POLM: variants seen among roughly 807,000 people sequenced by gnomAD.
The protein encoded by POLM is DNA-directed DNA/RNA polymerase mu.
Under a neutral mutation model 56.7 loss-of-function variants are expected in POLM, and 52 were observed. The observed-to-expected ratio is 0.92, with a 90% CI of 0.73 to 1.15. POLM has a LOEUF of 1.15. Among genes scored for constraint, POLM ranks in the 50% most tolerant of loss-of-function variants. POLM has a pLI of 0.00. For missense variants in POLM, 660 were observed against 663.6 expected, an observed-to-expected ratio of 0.99 and a Z score of 0.06; for synonymous variants, 273 against 274.3, an observed-to-expected ratio of 1.00 and a Z score of 0.05.
At chr7:44,076,843 T>C (rs2096185103) in intron 5 of POLM, 3 of 566,678 alleles carry the variant, frequency 5.3e-6, no homozygotes, top group African/African-American at 1.9e-5. Context: ...CACACCCCTC[T>C]CCTCTCCTCT....
chr7:44,073,999 C>T lies in POLM; in HGVS notation c.1098G>A (p.Gln366=). 6.2e-7 allele frequency: 1 copy of T among 1,614,066 alleles called. No individual in the cohort carries two copies. Among genetic ancestry groups the T allele is most frequent in the South Asian group, 1.1e-5 (1 of 91,078 alleles). The change falls in exon 9 of 11, where the codon CAG becomes CAA. Residue 366 remains glutamine (Q), a synonymous_variant. Transcript: ENST00000242248. The stretch of plus-strand genomic sequence containing the variant: ...GGGTAGGGGACTCACAGCAGCTGTG[C>T]TGGTGCTGGTGGTACAGGATGAGGC... ...DQGLILYHQH[Q]HSCCESPTRL...
chr7:44,080,050 C>A, intron 2 of POLM, 91 bp from the exon 3 acceptor site: 2 of 894,330 alleles, frequency 2.2e-6, no homozygotes, highest in Non-Finnish European at 3.6e-6. Context: ...CTGGGGTGTC[C>A]AACTCGGGCC....
intron 4 of POLM, among the ~76,000 whole-genome samples, chr7:44,079,284 A>G (rs1377365794): frequency 6.6e-6 from 1 of 152,182 alleles, no homozygotes; most frequent in African/African-American, 2.4e-5. Context: ...CTTTCATTCC[A>G]CTGTGGAGGG....
rs760320482 is a variant in POLM, at chr7:44,074,235, T to C, written c.969-2A>G. 4 of 1,571,582 alleles carry C rather than the reference T, an allele frequency of 2.5e-6. No homozygotes were observed. The African/African-American group carries it at 5.4e-5, about 21-fold the overall frequency. On this transcript the variant is annotated splice_acceptor_variant, in intron 7 of 10. Coordinates refer to ENST00000242248, the MANE Select transcript of POLM (RefSeq NM_013284.4). LOFTEE classifies it high-confidence loss of function. ...ACGTCATGGCCCTGCAACTTCCCCC[T>C]GAGGGCGTCAGTCTGACTCTGACTC...
Position 44,079,910 on chromosome 7 carries a change from T to C in POLM, c.422A>G (p.Tyr141Cys). 1 of 1,613,976 alleles carries C rather than the reference T, an allele frequency of 6.2e-7. No homozygotes were observed. The highest frequency in any genetic ancestry group is 8.5e-7 in the Non-Finnish European group (1 of 1,179,940). The change falls in exon 3 of 11, where the codon TAT (tyrosine) becomes TGT (cysteine). Residue 141 changes from tyrosine to cysteine, a missense_variant. Physicochemically the swap from Tyr to Cys is radical, Grantham distance 194. Coordinates refer to ENST00000242248, the MANE Select transcript of POLM (RefSeq NM_013284.4). ...GPLSPAWMPA[Y>C]ACQRPTPLTH... The stretch of plus-strand genomic sequence containing the variant: ...GAGGGGCGTAGGGCGCTGGCAGGCA[T>C]AGGCAGGCATCCATGCTGGGCTCAG...
chr7:44,079,430 G>T, intron 4 of POLM, 141 bp downstream of exon 4: 1 of 724,822 alleles, frequency 1.4e-6, no homozygotes, highest in Non-Finnish European at 2.3e-6. Context: ...AGCGCAGAGG[G>T]TGGCTTGTTG....
rs759650201 is a variant in POLM at position 44,073,809 on chromosome 7, C to A, written c.1288G>T (p.Ala430Ser). 6.2e-7 allele frequency: 1 copy of A among 1,614,198 alleles called. No individual in the cohort carries two copies. The highest frequency in any genetic ancestry group is 2.2e-5 in the East Asian group (1 of 44,878). The change falls in exon 9 of 11, where the codon GCC becomes TCC. Residue 430 changes from alanine (A) to serine (S), a missense_variant. Physicochemically the swap from Ala to Ser is moderately conservative, Grantham distance 99. Transcript: ENST00000242248. ...TTGGAGCCAGTCCAACCGAGCAGGG[C>A]GAAAGGGAACTGGCTGACGGGTGCA... The part of the protein sequence containing the change: ...VVAPVSQFPF[A>S]LLGWTGSKLF...
rs1203898951 is a variant in POLM at position 44,072,978 on chromosome 7, C to CCA, written c.*311_*312dup. 2 of 812,494 alleles carry CCA rather than the reference C, an allele frequency of 2.5e-6. No individual in the cohort carries two copies. The highest frequency in any genetic ancestry group is 3.5e-5 in the African/African-American group (2 of 57,846). The allele number at this position is 812,494 out of a possible 1,614,324, so 50.3% of individuals were successfully genotyped here. ...TTGCCATTCATGACTGCAGGCCCCA[C>CCA]CACAGCTCCACGATGTGGGCCCCAC... On this transcript the variant is annotated 3_prime_UTR_variant, in exon 11 of 11. Transcript: ENST00000242248.
intron 5 of POLM, 23 bp from the exon 6 acceptor site, chr7:44,076,652 G>T (rs3218662): frequency 6.2e-7 from 1 of 1,612,620 alleles, no homozygotes. Context: ...AGCGTAGCCC[G>T]GTTGGGCAGA....
chr7:44,073,126 G>A lies in POLM; in HGVS notation c.*165C>T. On this transcript the variant is annotated 3_prime_UTR_variant, in exon 11 of 11. Transcript: ENST00000242248. ...ATCACACCCTGCAGCACACCAGCAG[G>A]GGCTCAACTGATCCTGCAGGCACAA... is the stretch of plus-strand genomic sequence containing the variant. The A allele has an allele frequency of 6.7e-7, 1 of 1,497,482 alleles. No homozygotes were observed. The highest frequency in any genetic ancestry group is 8.9e-7 in the Non-Finnish European group (1 of 1,123,354). The allele number at this position is 1,497,482 out of a possible 1,614,324, so 92.8% of individuals were successfully genotyped here.
Position 44,080,817 on chromosome 7 carries a change from G to A in POLM, c.288C>T (p.Pro96=). The change falls in exon 2 of 11, where the codon CCC becomes CCT. Residue 96 remains proline, a synonymous_variant. Transcript: ENST00000242248. ...ACCAGCTTATGTCCAGCAGAGCTGG[G>A]GGGGTGCAACCCGGGGGAGCAGCTG... ...RMAAAPPGCT[P]PALLDISWLT... 1 of 1,613,822 alleles carries A rather than the reference G, an allele frequency of 6.2e-7. No individual in the cohort carries two copies. The highest frequency in any genetic ancestry group is 8.5e-7 in the Non-Finnish European group (1 of 1,179,826).
At chr7:44,076,909 C>T (rs2096185243) in intron 5 of POLM, 1 of 363,658 alleles carries the variant, frequency 2.7e-6, no homozygotes, top group Admixed American at 4.4e-5. Flanking sequence ...AAAACAGTCA[C>T]CCTAACACAT....
intron 1 of POLM, 35 bp downstream of exon 1, chr7:44,082,216 C>T: frequency 7.1e-7 from 1 of 1,414,370 alleles, no homozygotes; most frequent in Non-Finnish European, 9.2e-7. Context: ...CCAGAAGTGC[C>T]ATGGAAGCCC....
chr7:44,081,233 G>C (rs1241044231), intron 1 of POLM, among the ~76,000 whole-genome samples: 2 of 152,230 alleles, frequency 1.3e-5, no homozygotes, highest in Non-Finnish European at 2.9e-5. Context: ...CTAAGAGCAA[G>C]GGTTTCAGCA....
intron 5 of POLM, 97 bp from the exon 6 acceptor site, chr7:44,076,726 C>A: frequency 6.6e-7 from 1 of 1,504,246 alleles, no homozygotes; most frequent in Non-Finnish European, 9.0e-7. Context: ...GAGCACCATG[C>A]ACCAGGCAGG....
Position 44,082,284 on chromosome 7 carries a change from C to T in POLM, c.155G>A (p.Arg52His), listed in dbSNP as rs757100319. ...SRRAFLTGLA[R>H]SKGFRVLDAC... ...GTCAAGGACGCGGAAGCCTTTGGAG[C>T]GCGCCAGGCCTGTGAGGAAGGCCCG... Residue 52 changes from arginine (R) to histidine (H), a missense_variant, in exon 1 of 11, where the codon CGC becomes CAC. Coordinates refer to ENST00000242248, the MANE Select transcript of POLM (RefSeq NM_013284.4). 136 of 1,529,072 alleles carry T rather than the reference C, an allele frequency of 8.9e-5. No individual in the cohort carries two copies. Among genetic ancestry groups the T allele is most frequent in the Non-Finnish European group, 1.1e-4 (128 of 1,146,228 alleles). 94.7% of individuals were successfully genotyped at this position (1,529,072 alleles called of 1,614,324 possible). A position where few individuals can be genotyped will look rare whatever the true frequency, so the allele number is the denominator to read the frequency against.
rs375530776 is a variant in POLM, at chr7:44,073,984, C to G, written c.1113G>C (p.Glu371Asp). ...LYHQHQHSCC[E>D]SPTRLAQQSH... is the part of the protein sequence containing the mutation. ...TCTGTTGGGCCAGGCGGGTAGGGGA[C>G]TCACAGCAGCTGTGCTGGTGCTGGT... Residue 371 changes from glutamate to aspartate, a missense_variant, in exon 9 of 11, where the codon GAG becomes GAC. By Grantham distance (45) the Glu-to-Asp change is conservative. Transcript: ENST00000242248. 9 of 1,614,072 alleles carry G rather than the reference C, an allele frequency of 5.6e-6. No homozygotes were observed. In the African/African-American group the frequency reaches 8.0e-5, roughly 14 times the overall value.
chr7:44,079,465 C>T (rs1659805060), intron 4 of POLM, 106 bp downstream of exon 4: 4 of 1,066,172 alleles, frequency 3.8e-6, no homozygotes, highest in Non-Finnish European at 5.5e-6. Context: ...TGTCAGCACC[C>T]ACGACTGTCT....
intron 4 of POLM, among the ~76,000 whole-genome samples, chr7:44,079,177 A>C (rs1267265778): frequency 6.6e-6 from 1 of 152,240 alleles, no homozygotes; most frequent in Non-Finnish European, 1.5e-5. Flanking sequence ...ATTTAAAAGC[A>C]TCTTCTGTCA....
Sources: allele counts gnomAD v4.1 joint callset (sites outside exome capture counted in the v4.1 genomes callset), GRCh38; gene constraint gnomAD v4.1.1; transcripts MANE v1.5; gene names NCBI Gene and HGNC (gene_info 2026-07-23, HGNC 2026-07-21).